Variants in ANKFN1 observed in about 807,000 individuals in gnomAD.
The protein encoded by ANKFN1 is ankyrin repeat and fibronectin type III domain containing 1.
In ANKFN1, 74 loss-of-function variants were observed where a neutral mutation model predicts 108.7. The ratio of observed to expected loss-of-function variants is 0.68; its 90% CI spans 0.56 to 0.83. The LOEUF (loss-of-function observed/expected upper bound fraction) is 0.83, where lower values mean the gene tolerates loss of function less well. Ranked by LOEUF, ANKFN1 falls within the 40% of genes least tolerant of loss-of-function variation. The pLI is 0.00. For synonymous variants in ANKFN1, 547 were observed against 516.2 expected (o/e 1.06, Z -0.81); for missense variants, 1,505 against 1,382.3 (o/e 1.09, Z -1.41).
intron 6 of ANKFN1, among the ~76,000 whole-genome samples, chr17:56,355,445 G>A (rs1362715150): frequency 6.6e-6 from 1 of 152,098 alleles, no homozygotes; most frequent in Non-Finnish European, 1.5e-5. Context: ...AAAGTCAGTG[G>A]GTCCAAAGCA....
intron 4 of ANKFN1, among the ~76,000 whole-genome samples, chr17:56,060,859 G>A (rs1052750219): frequency 6.6e-6 from 1 of 152,162 alleles, no homozygotes; most frequent in Non-Finnish European, 1.5e-5. Flanking sequence ...TTTTCACATC[G>A]ATGTTCAACA....
chr17:56,388,351 C>T lies in ANKFN1; in HGVS notation c.910+13637C>T, dbSNP rs1332676394. Among the ~76,000 whole-genome samples, 38 of 152,018 alleles carry T rather than the reference C, an allele frequency of 2.5e-4. 1 individual carries two copies. The highest frequency in any genetic ancestry group is 2.9e-5 in the Non-Finnish European group (2 of 67,980). ...TTCACCATGTTGGCCAGGCTGGTCT[C>T]GAACTTCTGACCTCTAGTGATCCAC... On this transcript the variant is annotated intron_variant, in intron 8 of 20. Coordinates refer to ENST00000682825, the MANE Select transcript of ANKFN1 (RefSeq NM_001370326.1).
chr17:56,499,508 G>A (rs1187492116), intron 20 of ANKFN1, among the ~76,000 whole-genome samples: 1 of 152,070 alleles, frequency 6.6e-6, no homozygotes, highest in South Asian at 2.1e-4. Context: ...TGACAAGAAC[G>A]AGGCAGGAAA....
intron 8 of ANKFN1, among the ~76,000 whole-genome samples, chr17:56,438,809 G>T (rs2049006632): frequency 6.6e-6 from 1 of 152,120 alleles, no homozygotes; most frequent in Non-Finnish European, 1.5e-5. Context: ...AAGACTCATA[G>T]TTAGAGCCAT....
intron 6 of ANKFN1, among the ~76,000 whole-genome samples, chr17:56,354,761 T>C (rs142078870): frequency 1.1e-4 from 16 of 152,288 alleles, no homozygotes; most frequent in African/African-American, 3.6e-4. Context: ...AAATTCCACA[T>C]GTAAGTGAGA....
chr17:56,199,686 G>GA (rs751288969), intron 1 of ANKFN1, among the ~76,000 whole-genome samples: 24 of 152,128 alleles, frequency 1.6e-4, no homozygotes, highest in Middle Eastern at 6.3e-3. Context: ...GTCTGTCGAG[G>GA]TGTACCAGGC....
chr17:56,270,049 C>T (rs1211986535), intron 3 of ANKFN1, among the ~76,000 whole-genome samples: 1 of 152,156 alleles, frequency 6.6e-6, no homozygotes, highest in Non-Finnish European at 1.5e-5. Context: ...TTTAATAAGC[C>T]ATTGGGAGTT....
At chr17:56,508,171 C>T (rs1038060396) in intron 20 of ANKFN1, among the ~76,000 whole-genome samples, 1 of 152,206 alleles carries the variant, frequency 6.6e-6, no homozygotes, top group Non-Finnish European at 1.5e-5. Flanking sequence ...AGCTTCCCAG[C>T]TGGCCTCCCT....
intron 1 of ANKFN1, among the ~76,000 whole-genome samples, chr17:56,202,608 C>T (rs139784208): frequency 2.1e-4 from 32 of 152,286 alleles, no homozygotes; most frequent in African/African-American, 6.7e-4. Context: ...TCACCATTCA[C>T]CTATTCATCT....
intron 8 of ANKFN1, among the ~76,000 whole-genome samples, chr17:56,392,950 G>A (rs4794639): frequency 0.8 from 121,816 of 152,060 alleles, 49,107 homozygotes; most frequent in East Asian, 0.96. Flanking sequence ...TCTGACCTCC[G>A]AGAGCACCCA....
chr17:56,332,973 A>ATG (rs202093665), intron 4 of ANKFN1, among the ~76,000 whole-genome samples: 58 of 106,184 alleles, frequency 5.5e-4, no homozygotes, highest in East Asian at 1.7e-3. Flanking sequence ...GTGTGTATAT[A>ATG]TGTGTGTATA....
chr17:56,489,450 T>TAA (rs79704215), intron 18 of ANKFN1, among the ~76,000 whole-genome samples: 4 of 140,176 alleles, frequency 2.9e-5, no homozygotes, highest in African/African-American at 5.2e-5. Flanking sequence ...GGTCTGGATT[T>TAA]AAAAAAAAAA....
intron 4 of ANKFN1, among the ~76,000 whole-genome samples, chr17:56,056,751 A>G (rs923040917): frequency 6.6e-6 from 1 of 152,266 alleles, no homozygotes; most frequent in Non-Finnish European, 1.5e-5. Context: ...ACTCTTCTGG[A>G]CATTTGCCTA....
chr17:56,466,249 A>T, intron 14 of ANKFN1, 107 bp from the exon 15 acceptor site: 3 of 1,051,654 alleles, frequency 2.9e-6, no homozygotes, highest in Non-Finnish European at 4.2e-6. Context: ...AAAGAGAGCA[A>T]ACAGCTTCTC....
intron 3 of ANKFN1, among the ~76,000 whole-genome samples, chr17:56,231,373 T>G (rs1193187856): frequency 6.6e-6 from 1 of 152,216 alleles, no homozygotes; most frequent in Non-Finnish European, 1.5e-5. Flanking sequence ...TAATGCCCTT[T>G]GCAGAGGAGG....
rs1555625444 is a variant in ANKFN1 at position 56,302,532 on chromosome 17, AAGAG to A, written c.54-23680_54-23677del. Among the ~76,000 whole-genome samples the A allele has an allele frequency of 1.1e-4, 15 of 142,728 alleles. No homozygotes were observed. The East Asian group carries it at 2.0e-3, about 19-fold the overall frequency. The allele number at this position is 142,728 out of a possible 152,430, so 93.6% of individuals were successfully genotyped here. Reference sequence around the variant, plus strand: ...CTAGCCTCTACAAAAAAAAAAAAAAAAGAGAGAGAGAGTGAGAGAAAAGAAGAAA... The same window carrying A: ...CTAGCCTCTACAAAAAAAAAAAAAAAAGAGAGAGTGAGAGAAAAGAAGAAA... On this transcript the variant is annotated intron_variant, in intron 3 of 20. Coordinates refer to ENST00000682825, the MANE Select transcript of ANKFN1 (RefSeq NM_001370326.1).
chr17:56,094,675 G>T (rs561207122), intron 4 of ANKFN1, among the ~76,000 whole-genome samples: 10 of 75,182 alleles, frequency 1.3e-4, no homozygotes, highest in East Asian at 2.7e-4. Context: ...AGCTAATTGG[G>T]TTTTTTTTTT....
intron 3 of ANKFN1, among the ~76,000 whole-genome samples, chr17:56,253,534 T>C (rs1295766239): frequency 6.6e-6 from 1 of 152,138 alleles, no homozygotes; most frequent in East Asian, 1.9e-4. Flanking sequence ...GGTCAGGAGT[T>C]TGAGACCAAC....
chr17:56,152,254 A>ATGTGTGTG (rs767291179), upstream of ANKFN1, among the ~76,000 whole-genome samples: 65 of 78,454 alleles, frequency 8.3e-4, no homozygotes, highest in African/African-American at 2.5e-3. Context: ...AAATATATAT[A>ATGTGTGTG]TATATATATG....
Sources: allele counts gnomAD v4.1 joint callset (sites outside exome capture counted in the v4.1 genomes callset), GRCh38; gene constraint gnomAD v4.1.1; transcripts MANE v1.5; gene names NCBI Gene and HGNC (gene_info 2026-07-23, HGNC 2026-07-21).